Variants in SLIT3 observed in about 807,000 individuals in gnomAD.
The protein encoded by SLIT3 is slit guidance ligand 3.
A neutral mutation model predicts 184.0 loss-of-function variants in SLIT3; 68 were observed. The ratio of observed to expected loss-of-function variants is 0.37; its 90% CI spans 0.30 to 0.45. SLIT3 has a LOEUF of 0.45. Ranked by LOEUF, SLIT3 falls within the 20% of genes least tolerant of loss-of-function variation. SLIT3 has a pLI of 1.00. For missense variants in SLIT3, 1,707 were observed against 2,026.0 expected (o/e 0.84, Z 3.02); for synonymous variants, 831 against 828.6 (o/e 1.00, Z -0.05).
chr5:169,174,648 A>G lies in SLIT3; in HGVS notation c.413+18831T>C, dbSNP rs147914580. ...TGCCCAGCACATAGTACAGTACAAAACACTGCTAATTTTCTTTCATTTTAA... is the reference window on the plus strand; with the variant it reads ...TGCCCAGCACATAGTACAGTACAAAGCACTGCTAATTTTCTTTCATTTTAA... On this transcript the variant is annotated intron_variant, in intron 4 of 35. Coordinates refer to ENST00000519560, the MANE Select transcript of SLIT3 (RefSeq NM_003062.4). 6.6e-5 allele frequency among the ~76,000 whole-genome samples: 10 copies of G among 152,294 alleles called. No individual in the cohort carries two copies. In the East Asian group the frequency reaches 1.7e-3, roughly 26 times the overall value.
chr5:169,275,378 C>A (rs1766766856), intron 1 of SLIT3, among the ~76,000 whole-genome samples: 1 of 152,224 alleles, frequency 6.6e-6, no homozygotes, highest in Admixed American at 6.5e-5. Flanking sequence ...AATCACCCAG[C>A]CTTCCCTCAG....
rs184896820 is a variant in SLIT3 at position 169,062,714 on chromosome 5, T to C, written c.413+130765A>G. On this transcript the variant is annotated intron_variant, in intron 4 of 35. Coordinates refer to ENST00000519560, the MANE Select transcript of SLIT3 (RefSeq NM_003062.4). ...TCTCCTCAAAACAGTGTAAATTCCATAAGAGCACAGATTCTGCCTGTTAGG... is the reference window on the plus strand; with the variant it reads ...TCTCCTCAAAACAGTGTAAATTCCACAAGAGCACAGATTCTGCCTGTTAGG... Among the ~76,000 whole-genome samples, 95 of 152,372 alleles carry C rather than the reference T, an allele frequency of 6.2e-4. 2 individuals are homozygous for C. Among genetic ancestry groups the C allele is most frequent in the South Asian group, 1.2e-3 (6 of 4,830 alleles).
Position 169,208,950 on chromosome 5 carries a change from C to A in SLIT3, c.342-15400G>T, listed in dbSNP as rs189390043. On this transcript the variant is annotated intron_variant, in intron 3 of 35. Transcript: ENST00000519560. Reference sequence around the variant, plus strand: ...CAATGGCAATAAAAGCCAAAATTGACAAATGGGATCTAATTAAACTAAAGT... The same window carrying A: ...CAATGGCAATAAAAGCCAAAATTGAAAAATGGGATCTAATTAAACTAAAGT... Among the ~76,000 whole-genome samples, 212 of 152,236 alleles carry A rather than the reference C, an allele frequency of 1.4e-3. 1 individual carries two copies. The highest frequency in any genetic ancestry group is 5.0e-3 in the African/African-American group (206 of 41,536).
intron 1 of SLIT3, among the ~76,000 whole-genome samples, chr5:169,285,036 G>A (rs1767109905): frequency 6.6e-6 from 1 of 151,822 alleles, no homozygotes; most frequent in Admixed American, 6.6e-5. Context: ...TCAGCCTCCT[G>A]AGTAGCTAGC....
At chr5:169,153,184 C>T (rs1762180014) in intron 4 of SLIT3, among the ~76,000 whole-genome samples, 1 of 152,146 alleles carries the variant, frequency 6.6e-6, no homozygotes, top group South Asian at 2.1e-4. Flanking sequence ...GCTATGTCGC[C>T]CACCCCTCAC....
At chr5:168,950,294 G>A (rs1162905123) in intron 4 of SLIT3, among the ~76,000 whole-genome samples, 2 of 152,054 alleles carry the variant, frequency 1.3e-5, no homozygotes, top group Admixed American at 6.6e-5. Context: ...CTGGAGCTTT[G>A]ATCTTACACT....
intron 5 of SLIT3, among the ~76,000 whole-genome samples, chr5:168,872,640 C>CTTTT (rs774066150): frequency 0.09 from 10,152 of 112,208 alleles, 650 homozygotes; most frequent in Non-Finnish European, 0.13. Flanking sequence ...TCTTCTTCTT[C>CTTTT]TTTTTTTTTT....
intron 8 of SLIT3, among the ~76,000 whole-genome samples, chr5:168,809,846 G>C (rs1231370781): frequency 1.3e-5 from 2 of 152,216 alleles, no homozygotes; most frequent in African/African-American, 2.4e-5. Context: ...GAAGGGCCCT[G>C]AGGGAAGCTT....
chr5:168,745,010 A>G (rs1309239694), intron 20 of SLIT3, among the ~76,000 whole-genome samples: 1 of 152,230 alleles, frequency 6.6e-6, no homozygotes. Flanking sequence ...AAGCTTTTGG[A>G]AAGGATTCAC....
chr5:169,232,702 G>A (rs1428427088), intron 3 of SLIT3, among the ~76,000 whole-genome samples: 1 of 152,162 alleles, frequency 6.6e-6, no homozygotes, highest in Non-Finnish European at 1.5e-5. Flanking sequence ...AGCCACCTTT[G>A]TTAAAAATCA....
intron 14 of SLIT3, among the ~76,000 whole-genome samples, chr5:168,771,620 T>A (rs1755552021): frequency 6.6e-6 from 1 of 152,210 alleles, no homozygotes; most frequent in African/African-American, 2.4e-5. Context: ...ATCATTATTC[T>A]AGGGAAGGGA....
intron 4 of SLIT3, among the ~76,000 whole-genome samples, chr5:168,965,978 C>T (rs926935370): frequency 5.9e-5 from 9 of 152,100 alleles, no homozygotes; most frequent in Non-Finnish European, 8.8e-5. Flanking sequence ...AAATAAGCAA[C>T]AGCGTGTGGT....
intron 6 of SLIT3, among the ~76,000 whole-genome samples, chr5:168,832,110 T>C (rs1757901332): frequency 6.6e-6 from 1 of 152,242 alleles, no homozygotes; most frequent in South Asian, 2.1e-4. Flanking sequence ...TTTTAAAATG[T>C]ACTTTAAATG....
At chr5:168,722,549 C>A (rs1345559165) in intron 22 of SLIT3, among the ~76,000 whole-genome samples, 1 of 152,230 alleles carries the variant, frequency 6.6e-6, no homozygotes. Context: ...GGCTTTCTAA[C>A]CAGCTTGTTC....
Position 168,907,944 on chromosome 5 carries a change from GTATA to G in SLIT3, c.414-24612_414-24609del, listed in dbSNP as rs1224392381. Among the ~76,000 whole-genome samples, 490 of 52,980 alleles carry G rather than the reference GTATA, an allele frequency of 9.2e-3. 7 individuals are homozygous for G. The highest frequency in any genetic ancestry group is 0.044 in the Middle Eastern group (3 of 68). The allele number at this position is 52,980 out of a possible 152,430, so 34.8% of individuals were successfully genotyped here. A position where few individuals can be genotyped will look rare whatever the true frequency, so the allele number is the denominator to read the frequency against. On this transcript the variant is annotated intron_variant, in intron 4 of 35. Coordinates refer to ENST00000519560, the MANE Select transcript of SLIT3 (RefSeq NM_003062.4). ...TCTATTTTATATATATATTATACGT[GTATA>G]TATATATATATATATATATATATAT...
At chr5:168,772,594 G>GTA (rs1283019093) in intron 14 of SLIT3, 187 bp downstream of exon 14, 1 of 604,872 alleles carries the variant, frequency 1.7e-6, no homozygotes, top group Non-Finnish European at 2.9e-6. Context: ...GTGTGTGTGT[G>GTA]TTTTATTTTA....
intron 4 of SLIT3, among the ~76,000 whole-genome samples, chr5:169,181,423 T>C (rs1164711201): frequency 6.6e-6 from 1 of 152,194 alleles, no homozygotes. Flanking sequence ...TCTAGATTGC[T>C]ACCACTGGTT....
chr5:168,786,239 C>G (rs149406438), intron 11 of SLIT3, among the ~76,000 whole-genome samples: 18 of 152,304 alleles, frequency 1.2e-4, no homozygotes, highest in South Asian at 4.1e-4. Flanking sequence ...AATACATAAT[C>G]CCCAACAGGA....
At chr5:169,065,049 T>C (rs904841421) in intron 4 of SLIT3, among the ~76,000 whole-genome samples, 4 of 152,178 alleles carry the variant, frequency 2.6e-5, no homozygotes, top group African/African-American at 9.7e-5. Context: ...GTATGGTCCT[T>C]GAAGAACCAG....
Sources: allele counts gnomAD v4.1 joint callset (sites outside exome capture counted in the v4.1 genomes callset), GRCh38; gene constraint gnomAD v4.1.1; transcripts MANE v1.5; gene names NCBI Gene and HGNC (gene_info 2026-07-23, HGNC 2026-07-21).